Variants in CYBB observed in about 807,000 individuals in gnomAD.
CYBB encodes NADPH oxidase 2.
In CYBB, 5 loss-of-function variants were observed where a neutral mutation model predicts 46.5. The ratio of observed to expected loss-of-function variants is 0.11; its 90% confidence interval spans 0.06 to 0.23. The LOEUF (loss-of-function observed/expected upper bound fraction) is 0.23. Among genes scored for constraint, CYBB ranks in the 10% least tolerant of loss-of-function variants. CYBB has a pLI of 1.00. For synonymous variants in CYBB, 183 were observed against 156.7 expected (o/e 1.17, Z -1.26); for missense variants, 307 against 428.3 (o/e 0.72, Z 2.50).
chrX:37,793,521 C>T (rs1313709731), intron 4 of CYBB, 144 bp from the exon 5 acceptor site: 2 of 587,069 alleles, frequency 3.4e-6, no homozygotes, highest in Non-Finnish European at 5.6e-6. Flanking sequence ...TTCTGGAGAC[C>T]CAGTTCTTGT....
At chrX:37,787,614 C>T (rs1225875921) in intron 3 of CYBB, among the ~76,000 whole-genome samples, 3 of 111,566 alleles carry the variant, frequency 2.7e-5, no homozygotes, top group African/African-American at 9.8e-5. Flanking sequence ...AGTAAGGAAG[C>T]TATGGGGCAT....
At chrX:37,804,753 A>T (rs1396473814) in intron 9 of CYBB, among the ~76,000 whole-genome samples, 1 of 108,641 alleles carries the variant, frequency 9.2e-6, no homozygotes, top group Non-Finnish European at 1.9e-5. Flanking sequence ...GGGTGGGGAG[A>T]TTAAAAAAAA....
At chrX:37,795,613 G>A (rs1929283037) in intron 5 of CYBB, among the ~76,000 whole-genome samples, 1 of 111,752 alleles carries the variant, frequency 8.9e-6, no homozygotes, top group African/African-American at 3.3e-5. Context: ...GGGAGAAAGA[G>A]CCTTCAGACA....
chrX:37,795,466 CT>C (rs1358631205), intron 5 of CYBB, among the ~76,000 whole-genome samples: 2 of 111,704 alleles, frequency 1.8e-5, no homozygotes, highest in Non-Finnish European at 3.8e-5. Flanking sequence ...ACCAGTTTCT[CT>C]TGGAGCACAT....
intron 3 of CYBB, among the ~76,000 whole-genome samples, chrX:37,790,383 G>A (rs1215730256): frequency 9.0e-6 from 1 of 111,486 alleles, no homozygotes; most frequent in South Asian, 3.7e-4. Flanking sequence ...GTAGAAAAGG[G>A]CATTAACCTT....
At chrX:37,784,702 A>T (rs782421975) in intron 3 of CYBB, among the ~76,000 whole-genome samples, 44 of 111,699 alleles carry the variant, frequency 3.9e-4, no homozygotes, top group Non-Finnish European at 5.8e-4. Flanking sequence ...GGTTTTTTTT[A>T]AAAAATAAAA....
rs112709054 is a variant in CYBB at position 37,795,890 on chromosome X, A to G, written c.484-61A>G. 1,425 of 597,237 alleles carry G rather than the reference A, an allele frequency of 2.4e-3. 2 individuals carry two copies. Among genetic ancestry groups the G allele is most frequent in the South Asian group, 4.5e-3 (185 of 41,176 alleles). 49.2% of individuals were successfully genotyped at this position (597,237 alleles called of 1,213,427 possible). On this transcript the variant is annotated intron_variant, in intron 5 of 12. Coordinates refer to ENST00000378588, the MANE Select transcript of CYBB (RefSeq NM_000397.4). Reference sequence around the variant, plus strand: ...AACCTATAATATTGTGCTTGCGCACATGTGTGTGTGTGTGTGTGTGTGTGT... The same window carrying G: ...AACCTATAATATTGTGCTTGCGCACGTGTGTGTGTGTGTGTGTGTGTGTGT...
At chrX:37,806,858 G>GTC (rs1210324743) in intron 11 of CYBB, among the ~76,000 whole-genome samples, 2 of 107,064 alleles carry the variant, frequency 1.9e-5, no homozygotes, top group Non-Finnish European at 3.8e-5. Flanking sequence ...CTTTCTCTCT[G>GTC]TCTCTCTCTC....
intron 8 of CYBB, among the ~76,000 whole-genome samples, chrX:37,802,736 AATTTTTCACTCTTCC>A (rs1243439102): frequency 8.9e-6 from 1 of 112,210 alleles, no homozygotes; most frequent in Admixed American, 9.4e-5. Context: ...TTTAAAAAAG[AATTTTTCACTCTTCC>A]ACAACTCCCT....
At chrX:37,803,470 A>G (rs1476000567) in intron 8 of CYBB, among the ~76,000 whole-genome samples, 2 of 111,328 alleles carry the variant, frequency 1.8e-5, no homozygotes, top group Non-Finnish European at 3.8e-5. Flanking sequence ...AGACTGAGAA[A>G]TAACTGCATG....
intron 1 of CYBB, 139 bp downstream of exon 1, chrX:37,780,261 A>G: frequency 3.8e-6 from 2 of 520,565 alleles, no homozygotes; most frequent in Non-Finnish European, 6.6e-6. Flanking sequence ...ATCTATCTGT[A>G]AACAGACTGA....
chrX:37,805,957 G>A (rs1397152381), intron 10 of CYBB, among the ~76,000 whole-genome samples: 2 of 112,209 alleles, frequency 1.8e-5, no homozygotes, highest in African/African-American at 6.5e-5. Context: ...CCATGTGGAG[G>A]AGATGTGCAT....
At chrX:37,791,298 T>G (rs1929192484) in intron 3 of CYBB, among the ~76,000 whole-genome samples, 1 of 111,736 alleles carries the variant, frequency 8.9e-6, no homozygotes, top group Non-Finnish European at 1.9e-5. Flanking sequence ...AATTTGATTA[T>G]TACATTAAAG....
rs376135588 is a variant in CYBB, at chrX:37,805,184, T to C, written c.1314+16T>C. The C allele has an allele frequency of 9.2e-5, 111 of 1,204,633 alleles. No homozygotes were observed. The highest frequency in any genetic ancestry group is 1.2e-4 in the Non-Finnish European group (110 of 890,954). On this transcript the variant is annotated intron_variant, in intron 10 of 12. Transcript: ENST00000378588. ...GCTCAAAAAGGTAAGTCCTTTCATT[T>C]ATCGGAGGGCCTTAGAGCAGTAACC...
chrX:37,800,834 T>C (rs572472169), intron 7 of CYBB, among the ~76,000 whole-genome samples: 1 of 112,666 alleles, frequency 8.9e-6, no homozygotes, highest in Admixed American at 9.4e-5. Context: ...TCACTGTGAC[T>C]ACATAACTAA....
intron 7 of CYBB, among the ~76,000 whole-genome samples, chrX:37,800,059 C>A (rs1347803281): frequency 9.0e-6 from 1 of 111,237 alleles, no homozygotes; most frequent in Non-Finnish European, 1.9e-5. Context: ...CCAGACATAT[C>A]AGTGAATTGG....
At chrX:37,789,948 G>A (rs1378595274) in intron 3 of CYBB, among the ~76,000 whole-genome samples, 1 of 111,114 alleles carries the variant, frequency 9.0e-6, no homozygotes, top group Non-Finnish European at 1.9e-5. Flanking sequence ...TTCACTCTCT[G>A]CCTGGGGATT....
chrX:37,803,666 C>A (rs1408625793), intron 8 of CYBB, among the ~76,000 whole-genome samples: 1 of 110,995 alleles, frequency 9.0e-6, no homozygotes, highest in African/African-American at 3.3e-5. Flanking sequence ...GGGACTAGGC[C>A]TTAGTATCCC....
chrX:37,809,543 C>A (rs1432138026), intron 11 of CYBB, 24 bp from the exon 12 acceptor site: 59 of 1,182,637 alleles, frequency 5.0e-5, no homozygotes, highest in Non-Finnish European at 6.6e-5. Context: ...TCTTTTTTTT[C>A]TGAATTCATG....
Sources: allele counts gnomAD v4.1 joint callset (sites outside exome capture counted in the v4.1 genomes callset), GRCh38; gene constraint gnomAD v4.1.1; transcripts MANE v1.5; gene names NCBI Gene and HGNC (gene_info 2026-07-23, HGNC 2026-07-21).